The following ETS1 variants were observed in gnomAD, a reference collection of about 807,000 sequenced individuals.
The protein encoded by ETS1 is ETS proto-oncogene 1, transcription factor, also known as protein C-ets-1.
Under a neutral mutation model 58.6 loss-of-function variants are expected in ETS1, and 15 were observed. The ratio of observed to expected loss-of-function variants is 0.26; its 90% CI spans 0.17 to 0.39. The LOEUF (loss-of-function observed/expected upper bound fraction) is 0.39. Among genes scored for constraint, ETS1 ranks in the 10% least tolerant of loss-of-function variants. The pLI is 1.00. For synonymous variants in ETS1, 214 were observed against 218.2 expected, an observed-to-expected ratio of 0.98 and a Z score of 0.17; for missense variants, 417 against 610.5, an observed-to-expected ratio of 0.68 and a Z score of 3.34.
chr11:128,471,161 AC>A (rs1403654177), intron 8 of ETS1, among the ~76,000 whole-genome samples: 1 of 152,190 alleles, frequency 6.6e-6, no homozygotes, highest in African/African-American at 2.4e-5. Flanking sequence ...GACGGGTCCC[AC>A]CAGCATTAAC....
chr11:128,483,955 T>C (rs915221570), intron 7 of ETS1, among the ~76,000 whole-genome samples: 8 of 152,318 alleles, frequency 5.3e-5, no homozygotes, highest in African/African-American at 1.7e-4. Flanking sequence ...TTTTTAGAAA[T>C]CATCTAGCTC....
chr11:128,487,378 G>T (rs1268573696), intron 5 of ETS1, among the ~76,000 whole-genome samples: 1 of 152,212 alleles, frequency 6.6e-6, no homozygotes, highest in Middle Eastern at 3.2e-3. Flanking sequence ...TTAGCGGCCA[G>T]AAGGCCCCTG....
chr11:128,585,627 AC>A (rs1271906587), intron 1 of ETS1, among the ~76,000 whole-genome samples: 1 of 152,146 alleles, frequency 6.6e-6, no homozygotes, highest in Non-Finnish European at 1.5e-5. Context: ...GCACCCACAC[AC>A]CCAGTTTGTT....
At chr11:128,481,579 C>T (rs1340505130) in intron 7 of ETS1, among the ~76,000 whole-genome samples, 3 of 152,108 alleles carry the variant, frequency 2.0e-5, no homozygotes, top group African/African-American at 7.2e-5. Context: ...TCAGCACAGG[C>T]CAAAAGGCAA....
At chr11:128,536,536 G>A (rs990329960) in intron 3 of ETS1, 9 of 152,320 alleles carry the variant, frequency 5.9e-5, no homozygotes, top group Non-Finnish European at 1.3e-4. Flanking sequence ...GAGATCTTAA[G>A]AGCTTAAGAT....
intron 1 of ETS1, among the ~76,000 whole-genome samples, chr11:128,585,363 G>GGAAA (rs1201264226): frequency 4.0e-5 from 6 of 151,790 alleles, no homozygotes; most frequent in Admixed American, 1.3e-4. Context: ...AAGGAAGGAA[G>GGAAA]GGTCCCAGCT....
intron 8 of ETS1, among the ~76,000 whole-genome samples, chr11:128,466,796 G>A (rs1257020629): frequency 2.0e-5 from 3 of 151,712 alleles, no homozygotes; most frequent in Non-Finnish European, 2.9e-5. Context: ...TTACACCCAA[G>A]GAAAGAGGGA....
At position 128,549,276 on chromosome 11, in the gene ETS1, C is replaced by T. The variant is rs1210154253; in HGVS notation, c.214+7015G>A. Among the ~76,000 whole-genome samples, 1 of 151,916 alleles carries T rather than the reference C, an allele frequency of 6.6e-6. No homozygotes were observed. Among genetic ancestry groups the T allele is most frequent in the African/African-American group, 2.4e-5 (1 of 41,310 alleles). On this transcript the variant is annotated intron_variant, in intron 3 of 9. Transcript: ENST00000392668. The surrounding 1 kb of genome is among the most constrained non-coding windows in gnomAD (Gnocchi z 4.3). ...TCTCACGCGCCCCTCGCCCCTCGCC[C>T]CTCGCCCCTCGCCCCTCTCCTGGGC...
At chr11:128,509,198 G>A (rs1451629111) in intron 3 of ETS1, among the ~76,000 whole-genome samples, 1 of 152,234 alleles carries the variant, frequency 6.6e-6, no homozygotes, top group South Asian at 2.1e-4. Flanking sequence ...CCCTGCAAGA[G>A]AGACCTTCAG....
At chr11:128,564,985 C>T (rs1864466564) in intron 2 of ETS1, among the ~76,000 whole-genome samples, 1 of 150,226 alleles carries the variant, frequency 6.7e-6, no homozygotes, top group Non-Finnish European at 1.5e-5. Flanking sequence ...CATACAAATA[C>T]ATGAATGAAA....
rs1281795585 is a variant in ETS1 at position 128,464,363 on chromosome 11, C to T, written c.1124-736G>A. ...CAGTATATTCTAAATTAGACACACA[C>T]ACACACACACACACACACACACACA... On this transcript the variant is annotated intron_variant, in intron 8 of 9. Transcript: ENST00000392668. The surrounding 1 kb of genome is among the most constrained non-coding windows in gnomAD (Gnocchi z 4.1). Among the ~76,000 whole-genome samples the T allele has an allele frequency of 6.1e-5, 4 of 65,066 alleles. No homozygotes were observed. The highest frequency in any genetic ancestry group is 2.8e-4 in the African/African-American group (4 of 14,038). 42.7% of individuals were successfully genotyped at this position (65,066 alleles called of 152,430 possible). A position where few individuals can be genotyped will look rare whatever the true frequency, so the allele number is the denominator to read the frequency against.
At chr11:128,475,183 T>A (rs2135430539) in intron 8 of ETS1, among the ~76,000 whole-genome samples, 1 of 152,372 alleles carries the variant, frequency 6.6e-6, no homozygotes, top group East Asian at 1.9e-4. Flanking sequence ...CTTAGGCTCA[T>A]ACCAAAAGTT....
At position 128,519,533 on chromosome 11, in the gene ETS1, T is replaced by C. The variant is rs78111939; in HGVS notation, c.215-28957A>G. ...TTAAACTTTAAACACATGTCCTATA[T>C]GGTCTGATGGGCAAGGCAAATCCGC... On this transcript the variant is annotated intron_variant, in intron 3 of 9. Coordinates refer to ENST00000392668, the MANE Select transcript of ETS1 (RefSeq NM_001143820.2). Among the ~76,000 whole-genome samples the C allele has an allele frequency of 2.9e-3, 442 of 152,338 alleles. 2 individuals are homozygous for C. Among genetic ancestry groups the C allele is most frequent in the Middle Eastern group, 0.01 (3 of 294 alleles).
At chr11:128,536,610 G>A (rs556876410) in intron 3 of ETS1, 1 of 152,284 alleles carries the variant, frequency 6.6e-6, no homozygotes, top group Non-Finnish European at 1.5e-5. Context: ...TTGAGACTGT[G>A]AGCAATGTTA....
At chr11:128,465,267 A>G (rs1158712345) in intron 8 of ETS1, among the ~76,000 whole-genome samples, 1 of 152,224 alleles carries the variant, frequency 6.6e-6, no homozygotes, top group Non-Finnish European at 1.5e-5. Context: ...GAAATACCTT[A>G]CATGTATTCC....
intron 2 of ETS1, among the ~76,000 whole-genome samples, chr11:128,565,050 A>AAATAAATAAATAAATAAATAAAT (rs1257821669): frequency 6.6e-6 from 1 of 150,678 alleles, no homozygotes; most frequent in Non-Finnish European, 1.5e-5. Flanking sequence ...ATAAATAAAT[A>AAATAAATAAATAAATAAATAAAT]AATAAATAAA....
At chr11:128,483,102 A>T (rs1862534752) in intron 7 of ETS1, among the ~76,000 whole-genome samples, 1 of 152,240 alleles carries the variant, frequency 6.6e-6, no homozygotes, top group African/African-American at 2.4e-5. Context: ...TCTAACATGC[A>T]GAAAACAGCC....
At chr11:128,478,276 A>AGGG (rs1862377358) in intron 8 of ETS1, among the ~76,000 whole-genome samples, 3 of 145,316 alleles carry the variant, frequency 2.1e-5, no homozygotes, top group Admixed American at 6.8e-5. Flanking sequence ...AGGAGGGAGG[A>AGGG]AGGGAGGAAG....
intron 1 of ETS1, among the ~76,000 whole-genome samples, chr11:128,575,578 T>C (rs1864729200): frequency 6.6e-6 from 1 of 152,224 alleles, no homozygotes; most frequent in African/African-American, 2.4e-5. Context: ...TCACGGCCCT[T>C]AGATTCTATC....
Sources: gnomAD v4.1 joint callset for allele counts (sites outside exome capture counted in the v4.1 genomes callset) on GRCh38, gnomAD v4.1.1 for gene constraint, Gnocchi (gnomAD v3.1) non-coding constraint, MANE v1.5 for transcripts, NCBI Gene and HGNC (gene_info 2026-07-23, HGNC 2026-07-21) for gene names.